Variants in SMYD2 observed in about 807,000 individuals in gnomAD.
The protein encoded by SMYD2 is N-lysine methyltransferase SMYD2.
In SMYD2, 53 loss-of-function variants were observed where a neutral mutation model predicts 59.1. The ratio of observed to expected loss-of-function variants is 0.90; its 90% CI spans 0.72 to 1.13. SMYD2 has a LOEUF of 1.13. Ranked by LOEUF, SMYD2 falls within the 50% of genes most tolerant of loss-of-function variation. The pLI is 0.00. For missense variants in SMYD2, 494 were observed against 544.7 expected (o/e 0.91, Z 0.93); for synonymous variants, 208 against 198.8 (o/e 1.05, Z -0.39).
At chr1:214,284,152 G>A (rs1656492993) in intron 1 of SMYD2, among the ~76,000 whole-genome samples, 1 of 151,226 alleles carries the variant, frequency 6.6e-6, no homozygotes, top group African/African-American at 2.4e-5. Context: ...TTTTCCACTT[G>A]GAAGCTGTCC....
intron 3 of SMYD2, among the ~76,000 whole-genome samples, chr1:214,317,474 G>A (rs1243480775): frequency 6.6e-6 from 1 of 152,218 alleles, no homozygotes; most frequent in Non-Finnish European, 1.5e-5. Flanking sequence ...ACATGGCCTT[G>A]GGCCAGCTCC....
intron 11 of SMYD2, 127 bp downstream of exon 11, chr1:214,334,435 C>G: frequency 1.2e-6 from 1 of 846,090 alleles, no homozygotes; most frequent in African/African-American, 1.7e-5. Context: ...CACCCTCTTG[C>G]CGTGGGAGCA....
chr1:214,314,157 C>T (rs1657043120), intron 2 of SMYD2, among the ~76,000 whole-genome samples: 1 of 151,232 alleles, frequency 6.6e-6, no homozygotes, highest in Non-Finnish European at 1.5e-5. Context: ...AGCCTGGCAA[C>T]AGAGCGAGAC....
intron 11 of SMYD2, among the ~76,000 whole-genome samples, chr1:214,335,978 A>G (rs1244305418): frequency 6.6e-6 from 1 of 152,214 alleles, no homozygotes; most frequent in East Asian, 1.9e-4. Flanking sequence ...GCAGGTTAGT[A>G]ATGTCAACTA....
At chr1:214,330,610 TG>T (rs1325716497) in intron 8 of SMYD2, among the ~76,000 whole-genome samples, 1 of 152,248 alleles carries the variant, frequency 6.6e-6, no homozygotes, top group Non-Finnish European at 1.5e-5. Context: ...CCAGAATATG[TG>T]GAAGTTTCCC....
intron 3 of SMYD2, among the ~76,000 whole-genome samples, chr1:214,315,529 G>A (rs1002995452): frequency 3.3e-5 from 5 of 152,222 alleles, no homozygotes; most frequent in Non-Finnish European, 7.3e-5. Context: ...CTATTCTGTG[G>A]TGGGCAGGAC....
intron 1 of SMYD2, among the ~76,000 whole-genome samples, chr1:214,287,250 G>T (rs1440399584): frequency 6.6e-6 from 1 of 152,004 alleles, no homozygotes; most frequent in Non-Finnish European, 1.5e-5. Context: ...GTGAACACTG[G>T]GAAGGAAATA....
intron 5 of SMYD2, among the ~76,000 whole-genome samples, chr1:214,323,906 C>T (rs1022887478): frequency 6.6e-6 from 1 of 152,112 alleles, no homozygotes; most frequent in Non-Finnish European, 1.5e-5. Flanking sequence ...TTTACCACCT[C>T]ACCTTATGAG....
rs41277180 is a variant in SMYD2, at chr1:214,333,548, C to G, written c.1113-652C>G. ...GCTCACCCACCAGCTGCCTCTGGGC[C>G]CTGTTCTTAGGGAAATGGCTGTTTC... On this transcript the variant is annotated intron_variant, in intron 10 of 11. Transcript: ENST00000366957. 500 of 152,548 alleles carry G rather than the reference C, an allele frequency of 3.3e-3. 2 individuals are homozygous for G. The highest frequency in any genetic ancestry group is 6.7e-3 in the Admixed American group (102 of 15,306). 9.4% of individuals were successfully genotyped at this position (152,548 alleles called of 1,614,324 possible).
chr1:214,285,671 C>T (rs1656526471), intron 1 of SMYD2, among the ~76,000 whole-genome samples: 2 of 150,408 alleles, frequency 1.3e-5, no homozygotes, highest in South Asian at 4.2e-4. Flanking sequence ...TTTCACTTTC[C>T]ACCTTTCAGT....
At chr1:214,325,293 A>G (rs1042776842) in intron 6 of SMYD2, among the ~76,000 whole-genome samples, 2 of 152,234 alleles carry the variant, frequency 1.3e-5, no homozygotes, top group African/African-American at 4.8e-5. Flanking sequence ...ATCTTTATAG[A>G]TCTGACTTTA....
intron 3 of SMYD2, among the ~76,000 whole-genome samples, chr1:214,317,353 G>C (rs1289633780): frequency 6.6e-6 from 1 of 152,184 alleles, no homozygotes; most frequent in Admixed American, 6.5e-5. Flanking sequence ...CAAAGGATTA[G>C]GGGAGACAGG....
At chr1:214,315,591 G>A (rs1392067022) in intron 3 of SMYD2, among the ~76,000 whole-genome samples, 1 of 152,146 alleles carries the variant, frequency 6.6e-6, no homozygotes, top group Non-Finnish European at 1.5e-5. Flanking sequence ...GAAGAAAGAA[G>A]CTGACAAATC....
chr1:214,300,020 C>A (rs12057464), intron 1 of SMYD2, among the ~76,000 whole-genome samples: 124,157 of 152,210 alleles, frequency 0.82, 51,395 homozygotes, highest in African/African-American at 0.95. Context: ...GGGCTGAAAA[C>A]CTATGTATTG....
chr1:214,324,969 G>A (rs1657238873), intron 6 of SMYD2, among the ~76,000 whole-genome samples: 1 of 152,226 alleles, frequency 6.6e-6, no homozygotes, highest in Non-Finnish European at 1.5e-5. Flanking sequence ...AGCGCGCATA[G>A]AAGGAACAGC....
Position 214,281,176 on chromosome 1 carries a change from T to G in SMYD2, c.-79T>G. 2 of 1,062,744 alleles carry G rather than the reference T, an allele frequency of 1.9e-6. No individual in the cohort carries two copies. The highest frequency in any genetic ancestry group is 2.4e-6 in the Non-Finnish European group (2 of 843,882). 65.8% of individuals were successfully genotyped at this position (1,062,744 alleles called of 1,614,324 possible). A position where few individuals can be genotyped will look rare whatever the true frequency, so the allele number is the denominator to read the frequency against. ...CGGCTCCCACCCCGCCCCCCGCAGC[T>G]CTAGGTGACGCGTCTCCAATAACAG... On this transcript the variant is annotated 5_prime_UTR_variant, in exon 1 of 12. Coordinates refer to ENST00000366957, the MANE Select transcript of SMYD2 (RefSeq NM_020197.3).
Position 214,281,228 on chromosome 1 carries a change from A to C in SMYD2, c.-27A>C. 4.1e-6 allele frequency: 5 copies of C among 1,224,042 alleles called. No homozygotes were observed. The highest frequency in any genetic ancestry group is 5.1e-6 in the Non-Finnish European group (5 of 977,872). 75.8% of individuals were successfully genotyped at this position (1,224,042 alleles called of 1,614,324 possible). A position where few individuals can be genotyped will look rare whatever the true frequency, so the allele number is the denominator to read the frequency against. ...TCGCCGGGAGCCGCAGCTCGGGCAC[A>C]GCCGGCGGCCGCGCCCCGCCGCCAC... On this transcript the variant is annotated 5_prime_UTR_variant, in exon 1 of 12. Coordinates refer to ENST00000366957, the MANE Select transcript of SMYD2 (RefSeq NM_020197.3).
intron 2 of SMYD2, among the ~76,000 whole-genome samples, chr1:214,308,663 C>G (rs1203637816): frequency 2.6e-5 from 4 of 152,136 alleles, no homozygotes; most frequent in African/African-American, 4.8e-5. Flanking sequence ...GTAGGCCCTA[C>G]CCCCCTGGAG....
Position 214,281,537 on chromosome 1 carries a change from C to T in SMYD2, c.173+110C>T, listed in dbSNP as rs924514369. The T allele has an allele frequency of 4.8e-4, 458 of 956,202 alleles. 2 individuals carry two copies. The African/African-American group carries it at 7.0e-3, about 15-fold the overall frequency. 59.2% of individuals were successfully genotyped at this position (956,202 alleles called of 1,614,324 possible). ...GGCTCGCGGGGTCCTAGCGCCGGCC[C>T]TTGGGGCGGGGTGGGGGGCGGGGAG... On this transcript the variant is annotated intron_variant, in intron 1 of 11. Coordinates refer to ENST00000366957, the MANE Select transcript of SMYD2 (RefSeq NM_020197.3).
Sources: gnomAD v4.1 joint callset for allele counts (sites outside exome capture counted in the v4.1 genomes callset) on GRCh38, gnomAD v4.1.1 for gene constraint, MANE v1.5 for transcripts, NCBI Gene and HGNC (gene_info 2026-07-23, HGNC 2026-07-21) for gene names.